Variants in EEFSEC observed in about 807,000 individuals in gnomAD.
EEFSEC encodes the protein eukaryotic elongation factor, selenocysteine-tRNA specific, also known as selenocysteine-specific elongation factor.
In EEFSEC, 43 loss-of-function variants were observed where a neutral mutation model predicts 42.1. The observed-to-expected ratio is 1.02, with a 90% CI of 0.80 to 1.32. The LOEUF (loss-of-function observed/expected upper bound fraction) is 1.32, where lower values mean the gene tolerates loss of function less well. EEFSEC is among the 40% of genes most tolerant of loss of function. The pLI is 0.00. For missense variants in EEFSEC, 745 were observed against 803.6 expected (o/e 0.93, Z 0.88); for synonymous variants, 354 against 339.1 (o/e 1.04, Z -0.48).
intron 4 of EEFSEC, among the ~76,000 whole-genome samples, chr3:128,331,999 G>A (rs968008100): frequency 4.6e-5 from 7 of 152,030 alleles, no homozygotes; most frequent in Non-Finnish European, 8.8e-5. Flanking sequence ...AATGGCCACC[G>A]TGAAATCATT....
At chr3:128,261,995 T>G in intron 2 of EEFSEC, 133 bp from the exon 3 acceptor site, 1 of 815,014 alleles carries the variant, frequency 1.2e-6, no homozygotes, top group Non-Finnish European at 2.0e-6. Context: ...GGTGCTGTCT[T>G]CTAGGCTTGG....
chr3:128,321,807 A>G (rs1176169959), intron 4 of EEFSEC, among the ~76,000 whole-genome samples: 1 of 152,186 alleles, frequency 6.6e-6, no homozygotes, highest in Non-Finnish European at 1.5e-5. Flanking sequence ...TGGAAGACAG[A>G]CTTTAAACAA....
At chr3:128,212,021 G>A (rs184255557) in intron 1 of EEFSEC, among the ~76,000 whole-genome samples, 5 of 151,360 alleles carry the variant, frequency 3.3e-5, no homozygotes, top group Non-Finnish European at 5.9e-5. Flanking sequence ...CACCAAGCCC[G>A]ACTACTTTTT....
chr3:128,366,372 A>G (rs1365618293), intron 6 of EEFSEC, among the ~76,000 whole-genome samples: 1 of 152,238 alleles, frequency 6.6e-6, no homozygotes, highest in Admixed American at 6.5e-5. Flanking sequence ...CAGTACAATC[A>G]GCTGCTGCCC....
At chr3:128,377,867 C>T (rs1284619671) in intron 6 of EEFSEC, among the ~76,000 whole-genome samples, 7 of 152,212 alleles carry the variant, frequency 4.6e-5, no homozygotes, top group Non-Finnish European at 1.0e-4. Context: ...TACCCCTCAC[C>T]AGCACAGGCT....
chr3:128,392,700 C>G (rs1038461942), intron 6 of EEFSEC, among the ~76,000 whole-genome samples: 2 of 152,230 alleles, frequency 1.3e-5, no homozygotes, highest in Admixed American at 6.5e-5. Flanking sequence ...CTGCCCAGAC[C>G]ACTGTGCACA....
intron 1 of EEFSEC, among the ~76,000 whole-genome samples, chr3:128,159,940 T>C (rs1441109974): frequency 6.6e-6 from 1 of 152,250 alleles, no homozygotes; most frequent in Non-Finnish European, 1.5e-5. Flanking sequence ...TCTGCTAGAA[T>C]GTGAGCTCCA....
intron 2 of EEFSEC, among the ~76,000 whole-genome samples, chr3:128,253,117 C>T (rs1157394576): frequency 2.0e-5 from 3 of 152,224 alleles, no homozygotes; most frequent in East Asian, 3.8e-4. Context: ...GGCCAGACAC[C>T]TGGCCCAACA....
At chr3:128,222,663 T>C (rs1463705416) in intron 1 of EEFSEC, among the ~76,000 whole-genome samples, 1 of 152,248 alleles carries the variant, frequency 6.6e-6, no homozygotes, top group African/African-American at 2.4e-5. Context: ...TTACGCACTT[T>C]AACCACAACA....
chr3:128,288,906 G>A (rs926087254), intron 4 of EEFSEC, among the ~76,000 whole-genome samples: 5 of 152,208 alleles, frequency 3.3e-5, no homozygotes, highest in East Asian at 1.9e-4. Flanking sequence ...TCATGGGTCC[G>A]TTGGTGCCTG....
rs551579437 is a variant in EEFSEC at position 128,322,357 on chromosome 3, G to C, written c.787-18876G>C. Among the ~76,000 whole-genome samples the C allele has an allele frequency of 5.3e-5, 8 of 152,362 alleles. No individual in the cohort carries two copies. The East Asian group carries it at 1.5e-3, about 29-fold the overall frequency. Reference sequence around the variant, plus strand: ...GAGCCCCTCAGTGTGGTGCCCACATGGGGCAAGTGCTCAGTCAATGTTAGT... The same window carrying C: ...GAGCCCCTCAGTGTGGTGCCCACATCGGGCAAGTGCTCAGTCAATGTTAGT... On this transcript the variant is annotated intron_variant, in intron 4 of 6. Transcript: ENST00000254730.
intron 1 of EEFSEC, among the ~76,000 whole-genome samples, chr3:128,185,143 C>G (rs972253825): frequency 6.6e-6 from 1 of 152,276 alleles, no homozygotes; most frequent in South Asian, 2.1e-4. Flanking sequence ...AAAACCCCAT[C>G]TGAACTGACT....
At chr3:128,177,808 C>T (rs1167552461) in intron 1 of EEFSEC, among the ~76,000 whole-genome samples, 3 of 152,126 alleles carry the variant, frequency 2.0e-5, no homozygotes, top group Admixed American at 1.3e-4. Flanking sequence ...AAGGAGCAGG[C>T]TCAAGTTTGC....
At chr3:128,186,107 C>T (rs1310406868) in intron 1 of EEFSEC, among the ~76,000 whole-genome samples, 1 of 152,154 alleles carries the variant, frequency 6.6e-6, no homozygotes, top group Non-Finnish European at 1.5e-5. Flanking sequence ...TTGCTATTGT[C>T]TGTCTGTCTG....
At chr3:128,425,734 T>C in the EEFSEC span, among the ~76,000 whole-genome samples, 1 of 152,026 alleles carries the variant, frequency 6.6e-6, no homozygotes, top group Non-Finnish European at 1.5e-5. Context: ...CCTCCTGTCC[T>C]GTGGGCAGCA....
chr3:128,236,889 A>G (rs1416815402), intron 1 of EEFSEC, among the ~76,000 whole-genome samples: 1 of 152,172 alleles, frequency 6.6e-6, no homozygotes, highest in Admixed American at 6.5e-5. Flanking sequence ...CTCTGACCCT[A>G]CTGTGAAATT....
At chr3:128,275,001 C>T (rs150329946) in intron 4 of EEFSEC, among the ~76,000 whole-genome samples, 4 of 152,280 alleles carry the variant, frequency 2.6e-5, no homozygotes, top group Non-Finnish European at 5.9e-5. Flanking sequence ...GAGATGGATG[C>T]GGGCTTGCTG....
intron 1 of EEFSEC, among the ~76,000 whole-genome samples, chr3:128,233,167 G>T (rs1361257906): frequency 6.6e-6 from 1 of 152,130 alleles, no homozygotes; most frequent in Non-Finnish European, 1.5e-5. Context: ...CCCCTTTTCG[G>T]CAGAGTGAGT....
intron 5 of EEFSEC, among the ~76,000 whole-genome samples, chr3:128,353,933 G>T (rs372942173): frequency 2.0e-5 from 3 of 152,204 alleles, no homozygotes; most frequent in African/African-American, 7.2e-5. Flanking sequence ...AAAGGGGTGA[G>T]AGAGCAGAGT....
Sources: allele counts gnomAD v4.1 joint callset (sites outside exome capture counted in the v4.1 genomes callset), GRCh38; gene constraint gnomAD v4.1.1; transcripts MANE v1.5; gene names NCBI Gene and HGNC (gene_info 2026-07-23, HGNC 2026-07-21).